Variants in NOL4 observed in about 807,000 individuals in gnomAD.
The protein encoded by NOL4 is cancer/testis antigen 125.
A neutral mutation model predicts 75.9 loss-of-function variants in NOL4; 17 were observed. That is an observed-to-expected ratio of 0.22 (90% confidence interval 0.15 to 0.34). The LOEUF (loss-of-function observed/expected upper bound fraction) is 0.34, where lower values mean the gene tolerates loss of function less well. NOL4 is among the 10% of genes least tolerant of loss of function. NOL4 has a pLI of 1.00. For synonymous variants in NOL4, 292 were observed against 289.9 expected (o/e 1.01, Z -0.07); for missense variants, 614 against 793.5 (o/e 0.77, Z 2.72).
At chr18:34,080,722 G>A (rs879212518) in intron 5 of NOL4, among the ~76,000 whole-genome samples, 1 of 152,120 alleles carries the variant, frequency 6.6e-6, no homozygotes, top group Admixed American at 6.6e-5. Context: ...CAGTTAGGAT[G>A]TGCTTTATAA....
chr18:33,941,977 G>A (rs2068521693), intron 9 of NOL4, among the ~76,000 whole-genome samples: 1 of 151,900 alleles, frequency 6.6e-6, no homozygotes, highest in African/African-American at 2.4e-5. Context: ...TTTTATCTGA[G>A]ACTAATACTG....
chr18:33,893,403 T>C (rs1159173261), intron 9 of NOL4, among the ~76,000 whole-genome samples: 1 of 152,150 alleles, frequency 6.6e-6, no homozygotes. Flanking sequence ...ATTTGGACCC[T>C]GAGCCAACAC....
intron 10 of NOL4, among the ~76,000 whole-genome samples, chr18:33,868,941 A>G (rs958376588): frequency 1.3e-5 from 2 of 152,046 alleles, no homozygotes; most frequent in African/African-American, 4.8e-5. Flanking sequence ...ATATTGGAAA[A>G]TATTATTACA....
intron 5 of NOL4, among the ~76,000 whole-genome samples, chr18:34,042,081 A>G (rs2144814204): frequency 6.6e-6 from 1 of 152,118 alleles, no homozygotes; most frequent in Non-Finnish European, 1.5e-5. Flanking sequence ...CTATAAATAC[A>G]AAGTTCTGAA....
chr18:34,159,889 C>G (rs1204832655), intron 1 of NOL4, among the ~76,000 whole-genome samples: 1 of 152,044 alleles, frequency 6.6e-6, no homozygotes, highest in Non-Finnish European at 1.5e-5. Flanking sequence ...GGCCTCTCAG[C>G]GGGAGAGGGA....
intron 10 of NOL4, among the ~76,000 whole-genome samples, chr18:33,874,684 G>A (rs1248088513): frequency 6.6e-6 from 1 of 151,852 alleles, no homozygotes; most frequent in African/African-American, 2.4e-5. Context: ...TGGTTATCGT[G>A]GAATGAAAAG....
intron 5 of NOL4, among the ~76,000 whole-genome samples, chr18:34,034,652 T>A (rs968490574): frequency 2.0e-5 from 3 of 152,002 alleles, no homozygotes; most frequent in African/African-American, 4.8e-5. Context: ...GGCATGAGAA[T>A]CACTTGAACT....
chr18:34,136,716 C>A (rs118137899), intron 1 of NOL4, among the ~76,000 whole-genome samples: 2 of 152,006 alleles, frequency 1.3e-5, no homozygotes, highest in Non-Finnish European at 2.9e-5. Context: ...ATACACCTTA[C>A]GTTTATAGAC....
chr18:34,145,389 C>A (rs960088375), intron 1 of NOL4, among the ~76,000 whole-genome samples: 2 of 151,490 alleles, frequency 1.3e-5, no homozygotes, highest in East Asian at 1.9e-4. Flanking sequence ...AAAACATTTA[C>A]AAATAAAAGC....
chr18:33,982,157 A>T, intron 6 of NOL4, among the ~76,000 whole-genome samples: 1 of 152,124 alleles, frequency 6.6e-6, no homozygotes. Context: ...AACAAAGAAC[A>T]AAGGCAATGA....
intron 9 of NOL4, among the ~76,000 whole-genome samples, chr18:33,935,480 A>G (rs1229689260): frequency 4.6e-5 from 7 of 152,122 alleles, no homozygotes; most frequent in African/African-American, 1.7e-4. Flanking sequence ...ACACACATTT[A>G]TTAAGTTCTT....
At chr18:34,192,533 A>C (rs1183489440) in intron 1 of NOL4, among the ~76,000 whole-genome samples, 3 of 152,208 alleles carry the variant, frequency 2.0e-5, no homozygotes, top group Non-Finnish European at 4.4e-5. Flanking sequence ...ACAGAGCAGA[A>C]TAGATAACCC....
intron 5 of NOL4, chr18:34,048,564 T>TTCCC: frequency 4.1e-6 from 4 of 985,432 alleles, no homozygotes; most frequent in Non-Finnish European, 4.8e-6. Context: ...TTAGTCTGAC[T>TTCCC]TCCCCTAAAT....
At chr18:33,965,541 C>T (rs539118129) in intron 6 of NOL4, among the ~76,000 whole-genome samples, 2 of 152,212 alleles carry the variant, frequency 1.3e-5, no homozygotes, top group Non-Finnish European at 2.9e-5. Flanking sequence ...TTGCAGTTCC[C>T]ACAATCTGCA....
intron 6 of NOL4, among the ~76,000 whole-genome samples, chr18:34,003,979 A>G (rs1035304660): frequency 1.2e-4 from 18 of 152,062 alleles, no homozygotes; most frequent in African/African-American, 4.1e-4. Flanking sequence ...TAAGTCTGAT[A>G]AGAGACATTT....
At chr18:33,978,758 CT>C in intron 6 of NOL4, among the ~76,000 whole-genome samples, 1 of 151,672 alleles carries the variant, frequency 6.6e-6, no homozygotes, top group East Asian at 1.9e-4. Flanking sequence ...ATCTCTAGTA[CT>C]TATAATATCT....
intron 5 of NOL4, among the ~76,000 whole-genome samples, chr18:34,064,826 T>A (rs1209184271): frequency 6.6e-6 from 1 of 151,754 alleles, no homozygotes; most frequent in Non-Finnish European, 1.5e-5. Context: ...TACAAGTATG[T>A]TCTATATTTT....
chr18:34,053,188 G>C (rs976233202), intron 5 of NOL4, among the ~76,000 whole-genome samples: 22 of 152,158 alleles, frequency 1.4e-4, no homozygotes, highest in Admixed American at 6.6e-4. Context: ...AAGTAGTCAA[G>C]ATTACAGAGA....
intron 6 of NOL4, among the ~76,000 whole-genome samples, chr18:33,975,724 G>A (rs1009275406): frequency 3.9e-5 from 6 of 152,168 alleles, no homozygotes; most frequent in Admixed American, 6.6e-5. Flanking sequence ...GCAGTCAGCC[G>A]AGTTGGCGCC....
Sources: gnomAD v4.1 joint callset for allele counts (sites outside exome capture counted in the v4.1 genomes callset) on GRCh38, gnomAD v4.1.1 for gene constraint, MANE v1.5 for transcripts, NCBI Gene and HGNC (gene_info 2026-07-23, HGNC 2026-07-21) for gene names.